The following VSNL1 variants were observed in gnomAD, a reference collection of about 807,000 sequenced individuals.
The protein encoded by VSNL1 is visinin like 1.
In VSNL1, 6 loss-of-function variants were observed where a neutral mutation model predicts 20.4. That is an observed-to-expected ratio of 0.29 (90% CI 0.16 to 0.58). The LOEUF (loss-of-function observed/expected upper bound fraction) is 0.58, where lower values mean the gene tolerates loss of function less well. Ranked by LOEUF, VSNL1 falls within the 20% of genes least tolerant of loss-of-function variation. VSNL1 has a pLI of 0.90. For missense variants in VSNL1, 100 were observed against 234.5 expected (o/e 0.43, Z 3.75); for synonymous variants, 93 against 86.4 (o/e 1.08, Z -0.42).
rs1250173502 is a variant in VSNL1, at chr2:17,634,995, C to T, written c.163-14415C>T. Among the ~76,000 whole-genome samples the T allele has an allele frequency of 6.6e-6, 1 of 152,150 alleles. No homozygotes were observed. Among genetic ancestry groups the T allele is most frequent in the Non-Finnish European group, 1.5e-5 (1 of 68,034 alleles). ...ATACATGTGCACATACATACATACA[C>T]ACTTGGCTCAGGGCACATGAGGGTT... is the stretch of plus-strand genomic sequence containing the variant. On this transcript the variant is annotated intron_variant, in intron 2 of 3. Transcript: ENST00000295156. This position sits in a 1 kb window ranked among gnomAD's most constrained non-coding sequence, Gnocchi z 4.3.
At chr2:17,622,594 A>G (rs1412325990) in intron 2 of VSNL1, among the ~76,000 whole-genome samples, 2 of 141,562 alleles carry the variant, frequency 1.4e-5, no homozygotes, top group East Asian at 4.0e-4. Context: ...GAAAGAAAGA[A>G]AGAAAGAAAA....
At chr2:17,614,031 G>A (rs1665153905) in intron 2 of VSNL1, among the ~76,000 whole-genome samples, 1 of 152,190 alleles carries the variant, frequency 6.6e-6, no homozygotes, top group Non-Finnish European at 1.5e-5. Context: ...ATGGGGAGGT[G>A]GCTGGTCGGA....
chr2:17,554,036 C>A (rs1336771451), intron 1 of VSNL1, among the ~76,000 whole-genome samples: 1 of 152,136 alleles, frequency 6.6e-6, no homozygotes, highest in Non-Finnish European at 1.5e-5. Flanking sequence ...TTAATGGACA[C>A]TTTATGTAGA....
chr2:17,631,805 C>T (rs185751096), intron 2 of VSNL1, among the ~76,000 whole-genome samples: 87 of 152,338 alleles, frequency 5.7e-4, no homozygotes, highest in African/African-American at 1.9e-3. Flanking sequence ...AATATACATG[C>T]GTGTATGTGT....
At chr2:17,638,611 G>C (rs934457653) in intron 2 of VSNL1, among the ~76,000 whole-genome samples, 1 of 152,212 alleles carries the variant, frequency 6.6e-6, no homozygotes, top group African/African-American at 2.4e-5. Flanking sequence ...AGAAAGTAGA[G>C]CGAGTTCCAG....
chr2:17,607,477 T>G (rs1201686437), intron 2 of VSNL1, among the ~76,000 whole-genome samples: 1 of 152,150 alleles, frequency 6.6e-6, no homozygotes, highest in Non-Finnish European at 1.5e-5. Context: ...GAGTGGTCAG[T>G]GAGTAGGAGA....
intron 1 of VSNL1, among the ~76,000 whole-genome samples, chr2:17,558,250 T>TA (rs1476552479): frequency 1.3e-5 from 2 of 152,238 alleles, no homozygotes; most frequent in Non-Finnish European, 2.9e-5. Context: ...AATATGGTTT[T>TA]ATAATCAAGC....
intron 2 of VSNL1, among the ~76,000 whole-genome samples, chr2:17,601,096 CAG>C (rs1181159744): frequency 6.6e-6 from 1 of 152,138 alleles, no homozygotes; most frequent in African/African-American, 2.4e-5. Flanking sequence ...AGAGAGATAT[CAG>C]TGGTTATTGT....
intron 1 of VSNL1, chr2:17,567,710 C>A (rs1663986473): frequency 6.6e-6 from 1 of 151,998 alleles, no homozygotes; most frequent in Non-Finnish European, 1.5e-5. Context: ...TGGTATGAAC[C>A]TTTATCAGGT....
At chr2:17,593,761 C>T (rs1664649469) in intron 2 of VSNL1, among the ~76,000 whole-genome samples, 1 of 152,208 alleles carries the variant, frequency 6.6e-6, no homozygotes, top group Admixed American at 6.5e-5. Context: ...GCATCTATTA[C>T]TCAATTGATG....
intron 2 of VSNL1, among the ~76,000 whole-genome samples, chr2:17,647,822 C>A (rs1666030841): frequency 6.6e-6 from 1 of 152,216 alleles, no homozygotes; most frequent in South Asian, 2.1e-4. Flanking sequence ...ACACAGAGAC[C>A]TCGAGGTATT....
At chr2:17,641,178 G>A (rs1265516435) in intron 2 of VSNL1, among the ~76,000 whole-genome samples, 1 of 152,200 alleles carries the variant, frequency 6.6e-6, no homozygotes, top group African/African-American at 2.4e-5. Context: ...ATCTTGGATA[G>A]ACCACTTTAT....
intron 1 of VSNL1, among the ~76,000 whole-genome samples, chr2:17,569,061 ACTTTG>A: frequency 6.6e-6 from 1 of 152,260 alleles, no homozygotes; most frequent in South Asian, 2.1e-4. Context: ...TAATCACAGC[ACTTTG>A]GGAGGCCGAA....
chr2:17,553,420 T>C (rs1663596834), intron 1 of VSNL1, among the ~76,000 whole-genome samples: 1 of 152,204 alleles, frequency 6.6e-6, no homozygotes, highest in African/African-American at 2.4e-5. Flanking sequence ...AATTAAAATA[T>C]GGCATACATT....
At chr2:17,585,152 C>G (rs1254472415) in intron 1 of VSNL1, among the ~76,000 whole-genome samples, 1 of 152,070 alleles carries the variant, frequency 6.6e-6, no homozygotes, top group Non-Finnish European at 1.5e-5. Flanking sequence ...ACTATAATTC[C>G]AGGAGATTCA....
intron 1 of VSNL1, among the ~76,000 whole-genome samples, chr2:17,553,753 A>G (rs1663607309): frequency 1.3e-5 from 2 of 152,192 alleles, no homozygotes; most frequent in Admixed American, 1.3e-4. Flanking sequence ...CTTATTTGTT[A>G]AATGCAAATT....
At chr2:17,564,241 G>A (rs1277651371) in intron 1 of VSNL1, among the ~76,000 whole-genome samples, 2 of 152,096 alleles carry the variant, frequency 1.3e-5, no homozygotes, top group East Asian at 3.9e-4. Flanking sequence ...TTTTCTATGT[G>A]GTCTGGCAAC....
At chr2:17,572,404 A>G (rs545463733) in intron 1 of VSNL1, among the ~76,000 whole-genome samples, 5 of 152,274 alleles carry the variant, frequency 3.3e-5, no homozygotes, top group African/African-American at 4.8e-5. Flanking sequence ...GAGAACATCC[A>G]GGGCAGAGGT....
intron 2 of VSNL1, among the ~76,000 whole-genome samples, chr2:17,604,669 T>C (rs912084749): frequency 1.3e-5 from 2 of 152,236 alleles, no homozygotes; most frequent in African/African-American, 4.8e-5. Context: ...CCCAATATTG[T>C]AGGTGAAATA....
Sources: gnomAD v4.1 joint callset for allele counts (sites outside exome capture counted in the v4.1 genomes callset) on GRCh38, gnomAD v4.1.1 for gene constraint, Gnocchi (gnomAD v3.1) non-coding constraint, MANE v1.5 for transcripts, NCBI Gene and HGNC (gene_info 2026-07-23, HGNC 2026-07-21) for gene names.